GALNT13: variants seen among roughly 807,000 people sequenced by gnomAD.
GALNT13 encodes the protein UDP-GalNAc:polypeptide N-acetylgalactosaminyltransferase 13.
In GALNT13, 28 loss-of-function variants were observed where a neutral mutation model predicts 64.2. The ratio of observed to expected loss-of-function variants is 0.44; its 90% confidence interval spans 0.32 to 0.60. GALNT13 has a LOEUF of 0.60. GALNT13 is among the 20% of genes least tolerant of loss of function. The pLI is 0.05. For missense variants in GALNT13, 577 were observed against 669.8 expected (o/e 0.86, Z 1.53); for synonymous variants, 214 against 224.6 (o/e 0.95, Z 0.42).
chr2:153,516,034 C>T, the GALNT13 span, among the ~76,000 whole-genome samples: 5 of 152,070 alleles, frequency 3.3e-5, no homozygotes, highest in Non-Finnish European at 7.4e-5. Flanking sequence ...ACCGTAGGGG[C>T]AACTGTAAGA....
chr2:153,259,500 T>C, the GALNT13 span, among the ~76,000 whole-genome samples: 1 of 152,200 alleles, frequency 6.6e-6, no homozygotes, highest in African/African-American at 2.4e-5. Context: ...AATCTCATTT[T>C]AAATAGTAGC....
At chr2:153,609,689 A>T in the GALNT13 span, among the ~76,000 whole-genome samples, 1 of 152,284 alleles carries the variant, frequency 6.6e-6, no homozygotes, top group Admixed American at 6.5e-5. Flanking sequence ...TGTGACAGAG[A>T]TATAAAACAT....
chr2:154,450,333 A>G (rs1318285809), intron 12 of GALNT13, 78 bp from the exon 13 acceptor site: 2 of 1,328,560 alleles, frequency 1.5e-6, no homozygotes, highest in East Asian at 4.7e-5. Flanking sequence ...AGGATTTTTT[A>G]AAGAACAGAT....
chr2:153,105,226 A>G, the GALNT13 span, among the ~76,000 whole-genome samples: 1 of 151,950 alleles, frequency 6.6e-6, no homozygotes, highest in South Asian at 2.1e-4. Context: ...ACATATGAAA[A>G]TCAATAAATG....
chr2:154,011,236 A>C, intron 3 of GALNT13, among the ~76,000 whole-genome samples: 1 of 36,444 alleles, frequency 2.7e-5, no homozygotes, highest in Admixed American at 1.8e-4. Flanking sequence ...TTTCTTCTTA[A>C]TGCTGCTTTA....
the GALNT13 span, among the ~76,000 whole-genome samples, chr2:153,180,276 G>T: frequency 6.6e-6 from 1 of 152,044 alleles, no homozygotes; most frequent in Non-Finnish European, 1.5e-5. Context: ...TCCATCTAAT[G>T]AGACGATCAT....
At chr2:153,259,196 A>G in the GALNT13 span, among the ~76,000 whole-genome samples, 1 of 152,174 alleles carries the variant, frequency 6.6e-6, no homozygotes, top group Non-Finnish European at 1.5e-5. Flanking sequence ...TTGCCTCTGT[A>G]TAGCCTTTGT....
intron 4 of GALNT13, among the ~76,000 whole-genome samples, chr2:154,141,090 C>T (rs564500270): frequency 3.9e-5 from 6 of 151,944 alleles, no homozygotes; most frequent in East Asian, 1.9e-4. Flanking sequence ...AGTAAAAACA[C>T]GGTGTAACAG....
chr2:153,197,299 G>A, the GALNT13 span, among the ~76,000 whole-genome samples: 1 of 152,242 alleles, frequency 6.6e-6, no homozygotes, highest in Non-Finnish European at 1.5e-5. Flanking sequence ...CAGGTGTCGT[G>A]CTTGGGCACT....
At chr2:154,229,368 T>TAA (rs745480114) in intron 4 of GALNT13, among the ~76,000 whole-genome samples, 3 of 151,650 alleles carry the variant, frequency 2.0e-5, no homozygotes, top group Non-Finnish European at 4.4e-5. Flanking sequence ...TATATATATA[T>TAA]AATTTTAAAA....
chr2:153,097,091 A>G, the GALNT13 span, among the ~76,000 whole-genome samples: 1 of 152,098 alleles, frequency 6.6e-6, no homozygotes, highest in Non-Finnish European at 1.5e-5. Flanking sequence ...TTTATAACCT[A>G]TTATTTTAAA....
the GALNT13 span, among the ~76,000 whole-genome samples, chr2:153,130,033 CAGCCTTTG>C: frequency 6.6e-6 from 1 of 152,172 alleles, no homozygotes; most frequent in South Asian, 2.1e-4. Context: ...CTTGGGCCCA[CAGCCTTTG>C]AGTCCTCCTT....
intron 3 of GALNT13, among the ~76,000 whole-genome samples, chr2:154,100,006 G>A (rs186858611): frequency 1.3e-4 from 20 of 152,208 alleles, no homozygotes; most frequent in Admixed American, 1.2e-3. Context: ...CTTTGTTGAA[G>A]AGCAGTTAGC....
chr2:154,156,662 GCTGT>G (rs1684440360), intron 4 of GALNT13, among the ~76,000 whole-genome samples: 1 of 152,092 alleles, frequency 6.6e-6, no homozygotes, highest in Non-Finnish European at 1.5e-5. Context: ...TTGAAGTAAG[GCTGT>G]CTAATTCTGA....
intron 3 of GALNT13, among the ~76,000 whole-genome samples, chr2:154,105,490 G>T (rs1421218068): frequency 1.3e-5 from 2 of 152,202 alleles, no homozygotes; most frequent in East Asian, 3.9e-4. Flanking sequence ...GTACAGGCTG[G>T]TAGTCTAGTT....
At chr2:154,093,144 T>A (rs1701900923) in intron 3 of GALNT13, among the ~76,000 whole-genome samples, 1 of 152,034 alleles carries the variant, frequency 6.6e-6, no homozygotes, top group African/African-American at 2.4e-5. Context: ...AATAAAATTA[T>A]ATGAGTAAAG....
chr2:153,362,553 C>CAAAAAAAAAA, the GALNT13 span, among the ~76,000 whole-genome samples: 10 of 80,318 alleles, frequency 1.2e-4, no homozygotes, highest in African/African-American at 2.6e-4. Flanking sequence ...AAATGGAGAG[C>CAAAAAAAAAA]AAAAAAAAAA....
chr2:154,173,418 A>C (rs913879932), intron 4 of GALNT13, among the ~76,000 whole-genome samples: 3 of 151,808 alleles, frequency 2.0e-5, no homozygotes, highest in Non-Finnish European at 4.4e-5. Flanking sequence ...AAAGACTTAA[A>C]TCTAAGACCT....
Position 154,140,277 on chromosome 2 carries a change from T to C in GALNT13, c.143-60T>C, listed in dbSNP as rs972167894. On this transcript the variant is annotated intron_variant, in intron 3 of 12. Coordinates refer to ENST00000392825, the MANE Select transcript of GALNT13 (RefSeq NM_052917.4). Reference sequence around the variant, plus strand: ...GAATCTAATCAGACACACAAGTTTATTTATTCAGTTCATTATCTGTGTGTT... The same window carrying C: ...GAATCTAATCAGACACACAAGTTTACTTATTCAGTTCATTATCTGTGTGTT... The C allele has an allele frequency of 2.4e-6, 3 of 1,248,488 alleles. No homozygotes were observed. The African/African-American group carries it at 4.5e-5, about 19-fold the overall frequency. The allele number at this position is 1,248,488 out of a possible 1,614,324, so 77.3% of individuals were successfully genotyped here.
Sources: allele counts gnomAD v4.1 joint callset (sites outside exome capture counted in the v4.1 genomes callset), GRCh38; gene constraint gnomAD v4.1.1; transcripts MANE v1.5; gene names NCBI Gene and HGNC (gene_info 2026-07-23, HGNC 2026-07-21).